The following SPAG16 variants were observed in gnomAD, a reference collection of about 807,000 sequenced individuals.
SPAG16 encodes the protein sperm associated antigen 16.
Under a neutral mutation model 80.4 loss-of-function variants are expected in SPAG16, and 86 were observed. The ratio of observed to expected loss-of-function variants is 1.07; its 90% CI spans 0.90 to 1.28. The LOEUF is 1.28. Among genes scored for constraint, SPAG16 ranks in the 50% most tolerant of loss-of-function variants. The probability of loss-of-function intolerance (pLI) is 0.00; values close to 1 mark genes in which losing one functional copy is unlikely to be tolerated. For missense variants in SPAG16, 870 were observed against 765.3 expected (o/e 1.14, Z -1.61); for synonymous variants, 294 against 265.9 (o/e 1.11, Z -1.03).
At chr2:214,266,731 T>C (rs1167001335) in intron 15 of SPAG16, among the ~76,000 whole-genome samples, 1 of 151,574 alleles carries the variant, frequency 6.6e-6, no homozygotes, top group African/African-American at 2.4e-5. Context: ...AATAAACAAA[T>C]TTGGTAAAGT....
intron 9 of SPAG16, among the ~76,000 whole-genome samples, chr2:213,417,288 C>CT (rs2069315570): frequency 6.6e-6 from 1 of 152,112 alleles, no homozygotes; most frequent in African/African-American, 2.4e-5. Context: ...GAAAACTTTG[C>CT]TTTAGGGGGA....
At chr2:214,241,424 T>C (rs916617565) in intron 15 of SPAG16, 12 of 152,162 alleles carry the variant, frequency 7.9e-5, no homozygotes, top group Admixed American at 5.9e-4. Flanking sequence ...TTGCAGACTT[T>C]AATGTTGTCA....
chr2:214,383,638 G>A (rs545193743), intron 15 of SPAG16, among the ~76,000 whole-genome samples: 22 of 152,004 alleles, frequency 1.4e-4, no homozygotes, highest in African/African-American at 5.1e-4. Flanking sequence ...TATTTAATGA[G>A]GATAACAAGG....
chr2:213,815,747 TA>T (rs1464650548), intron 10 of SPAG16, among the ~76,000 whole-genome samples: 3 of 152,144 alleles, frequency 2.0e-5, no homozygotes, highest in Non-Finnish European at 4.4e-5. Flanking sequence ...AAATGTTTTT[TA>T]AAATATTAGA....
At chr2:213,799,169 C>A (rs1049998527) in intron 10 of SPAG16, among the ~76,000 whole-genome samples, 1 of 152,184 alleles carries the variant, frequency 6.6e-6, no homozygotes, top group African/African-American at 2.4e-5. Flanking sequence ...TAGAGTATTG[C>A]CATCTTAACA....
chr2:213,942,982 C>T (rs1331088161), intron 12 of SPAG16, among the ~76,000 whole-genome samples: 2 of 152,068 alleles, frequency 1.3e-5, no homozygotes, highest in Non-Finnish European at 2.9e-5. Context: ...GGACAAGAGA[C>T]CTTACTTTCT....
At chr2:214,098,977 T>C (rs1201186295) in intron 13 of SPAG16, among the ~76,000 whole-genome samples, 3 of 152,088 alleles carry the variant, frequency 2.0e-5, no homozygotes, top group Non-Finnish European at 4.4e-5. Context: ...ATGTTCACTG[T>C]AGTGAATCCT....
chr2:213,770,217 G>A (rs535507431), intron 10 of SPAG16, among the ~76,000 whole-genome samples: 6 of 152,174 alleles, frequency 3.9e-5, no homozygotes, highest in African/African-American at 1.4e-4. Flanking sequence ...AAACTTTCTT[G>A]TACAAGGTTT....
At chr2:213,821,409 C>A (rs550386130) in intron 10 of SPAG16, among the ~76,000 whole-genome samples, 4 of 151,872 alleles carry the variant, frequency 2.6e-5, no homozygotes, top group African/African-American at 9.7e-5. Context: ...TTATTAAGTT[C>A]TTTTTTAAAT....
In SPAG16 at chr2:214,277,065, C is replaced by T. The variant is rs185299935; in HGVS notation, c.1720+127799C>T. On this transcript the variant is annotated intron_variant, in intron 15 of 15. Transcript: ENST00000331683. ...TCTTCAATCACTGATAGCCTTTCTT[C>T]CACTTGATCGAATCGGCTACTGAAG... Among the ~76,000 whole-genome samples, 113 of 152,144 alleles carry T rather than the reference C, an allele frequency of 7.4e-4. No individual in the cohort carries two copies. The Middle Eastern group carries it at 0.017, about 23-fold the overall frequency.
At chr2:214,192,251 T>C (rs530352481) in intron 15 of SPAG16, among the ~76,000 whole-genome samples, 2 of 152,270 alleles carry the variant, frequency 1.3e-5, no homozygotes, top group East Asian at 3.9e-4. Context: ...AAATGATTGA[T>C]ATAGAACAGT....
At chr2:213,634,201 G>A (rs892521417) in intron 10 of SPAG16, among the ~76,000 whole-genome samples, 2 of 151,442 alleles carry the variant, frequency 1.3e-5, no homozygotes, top group African/African-American at 2.4e-5. Flanking sequence ...ATATTTTTTG[G>A]TTACCCTGAG....
chr2:213,643,373 T>C lies in SPAG16; in HGVS notation c.1070+153283T>C, dbSNP rs1264606962. Among the ~76,000 whole-genome samples the C allele has an allele frequency of 6.8e-5, 4 of 58,540 alleles. 1 individual carries two copies. In the South Asian group the frequency reaches 1.5e-3, roughly 21 times the overall value. The allele number at this position is 58,540 out of a possible 152,430, so 38.4% of individuals were successfully genotyped here. On this transcript the variant is annotated intron_variant, in intron 10 of 15. Transcript: ENST00000331683. ...TTATATATATATATATATATATATA[T>C]ATATATATATATATATATATATATA...
intron 15 of SPAG16, among the ~76,000 whole-genome samples, chr2:214,346,279 A>T (rs1175767074): frequency 6.6e-6 from 1 of 151,626 alleles, no homozygotes; most frequent in East Asian, 1.9e-4. Flanking sequence ...CCTTCCAGGG[A>T]GTGTGTTGTA....
At chr2:214,197,407 A>T (rs1342004635) in intron 15 of SPAG16, among the ~76,000 whole-genome samples, 1 of 151,958 alleles carries the variant, frequency 6.6e-6, no homozygotes, top group East Asian at 1.9e-4. Context: ...TTCACATTAA[A>T]ATAAAACATC....
At chr2:214,000,541 T>G (rs2124871202) in intron 12 of SPAG16, among the ~76,000 whole-genome samples, 1 of 152,298 alleles carries the variant, frequency 6.6e-6, no homozygotes, top group East Asian at 1.9e-4. Flanking sequence ...ATTTATTGAG[T>G]ACCCACTCTG....
At chr2:214,207,583 T>C (rs898294575) in intron 15 of SPAG16, among the ~76,000 whole-genome samples, 1 of 152,228 alleles carries the variant, frequency 6.6e-6, no homozygotes, top group African/African-American at 2.4e-5. Context: ...TTTCTCATGC[T>C]TAGCTTTTCT....
chr2:213,589,815 G>A (rs7563061), intron 10 of SPAG16, among the ~76,000 whole-genome samples: 11,141 of 151,732 alleles, frequency 0.073, 978 homozygotes, highest in African/African-American at 0.21. Context: ...CCACCTATTC[G>A]GGTGGCTGAG....
intron 11 of SPAG16, among the ~76,000 whole-genome samples, chr2:213,874,015 A>C (rs935393422): frequency 1.3e-5 from 2 of 152,178 alleles, no homozygotes; most frequent in African/African-American, 4.8e-5. Context: ...ATTGTAATAT[A>C]ACAATATTTT....
Sources: gnomAD v4.1 joint callset for allele counts (sites outside exome capture counted in the v4.1 genomes callset) on GRCh38, gnomAD v4.1.1 for gene constraint, MANE v1.5 for transcripts, NCBI Gene and HGNC (gene_info 2026-07-23, HGNC 2026-07-21) for gene names.